LOXL2: variants seen among roughly 807,000 people sequenced by gnomAD.
The protein encoded by LOXL2 is lysyl oxidase like 2, also known as lysyl oxidase homolog 2.
Under a neutral mutation model 93.0 loss-of-function variants are expected in LOXL2, and 70 were observed. The ratio of observed to expected loss-of-function variants is 0.75; its 90% confidence interval spans 0.62 to 0.92. The LOEUF (loss-of-function observed/expected upper bound fraction) is 0.92. LOXL2 is among the 40% of genes least tolerant of loss of function. The pLI is 0.00. For synonymous variants in LOXL2, 438 were observed against 413.2 expected, an observed-to-expected ratio of 1.06 and a Z score of -0.73; for missense variants, 973 against 1,054.9, an observed-to-expected ratio of 0.92 and a Z score of 1.08.
At chr8:23,346,201 A>G (rs1563197488) in intron 3 of LOXL2, among the ~76,000 whole-genome samples, 2 of 140,212 alleles carry the variant, frequency 1.4e-5, no homozygotes, top group East Asian at 4.0e-4. Flanking sequence ...AAAATAAAAT[A>G]AAATAAATAA....
chr8:23,333,429 G>A lies in LOXL2; in HGVS notation c.938C>T (p.Ser313Leu), dbSNP rs1411742604. ...PGQVFSPDGPSRFRKAYKPEQ... is the reference protein window; with the variant it reads ...PGQVFSPDGPLRFRKAYKPEQ... ...TGGCTTGTACGCTTTCCGGAATCTT[G>A]AGGGTCCGTCAGGGCTGAAGACCTG... The change falls in exon 5 of 14, where the codon TCA becomes TTA. Residue 313 changes from serine to leucine, a missense_variant. By Grantham distance (145) the Ser-to-Leu change is moderately radical. Coordinates refer to ENST00000389131, the MANE Select transcript of LOXL2 (RefSeq NM_002318.3). 6.2e-7 allele frequency: 1 copy of A among 1,613,836 alleles called. No homozygotes were observed.
chr8:23,348,648 C>T (rs1265995910), intron 3 of LOXL2, among the ~76,000 whole-genome samples: 2 of 151,994 alleles, frequency 1.3e-5, no homozygotes, highest in Non-Finnish European at 2.9e-5. Flanking sequence ...GAGGCCGAGG[C>T]GGGTGGATCA....
chr8:23,342,730 CT>C (rs968524510), intron 3 of LOXL2, among the ~76,000 whole-genome samples: 4 of 151,716 alleles, frequency 2.6e-5, no homozygotes, highest in South Asian at 2.1e-4. Flanking sequence ...CGTGCCCGGC[CT>C]TTTTTTTCTT....
At chr8:23,383,939 C>T (rs1005951954) in intron 1 of LOXL2, among the ~76,000 whole-genome samples, 7 of 152,064 alleles carry the variant, frequency 4.6e-5, no homozygotes, top group African/African-American at 1.4e-4. Context: ...GGATTACAGG[C>T]GTGAGCCACC....
chr8:23,353,664 G>C (rs1183043523), intron 3 of LOXL2, among the ~76,000 whole-genome samples: 3 of 152,232 alleles, frequency 2.0e-5, no homozygotes, highest in Non-Finnish European at 2.9e-5. Flanking sequence ...ACCAAGCCTA[G>C]TGAGTGATTC....
chr8:23,324,283 G>A (rs140382984), intron 6 of LOXL2, among the ~76,000 whole-genome samples: 3 of 152,252 alleles, frequency 2.0e-5, no homozygotes, highest in East Asian at 1.9e-4. Flanking sequence ...GTGGCTGAAC[G>A]TCTATGTAAA....
In LOXL2 at chr8:23,309,794, G is replaced by C. The variant is rs566638427; in HGVS notation, c.1754C>G (p.Ala585Gly). The C allele has an allele frequency of 6.2e-7, 1 of 1,604,106 alleles. No individual in the cohort carries two copies. Among genetic ancestry groups the C allele is most frequent in the Admixed American group, 1.7e-5 (1 of 58,328 alleles). The change falls in exon 10 of 14, where the codon GCG becomes GGG. Residue 585 changes from alanine to glycine, a missense_variant. Coordinates refer to ENST00000389131, the MANE Select transcript of LOXL2 (RefSeq NM_002318.3). ...GTAGCCCGTGGTGGGGTCGGTCTGC[G>C]CGGCTGAGGCCGAGAGGCAGTTCTC... The part of the protein sequence containing the change: ...MEENCLSASA[A>G]QTDPTTGYRR...
intron 3 of LOXL2, among the ~76,000 whole-genome samples, chr8:23,354,945 ATATATTTTTTTTTTTTT>A (rs1341793616): frequency 1.8e-5 from 1 of 54,978 alleles, no homozygotes; most frequent in African/African-American, 1.1e-4. Flanking sequence ...ATATATATAT[ATATATTTTTTTTTTTTT>A]TTTTTTTTTT....
chr8:23,345,611 TCTTTACTTCA>T (rs1803958243), intron 3 of LOXL2, among the ~76,000 whole-genome samples: 1 of 152,204 alleles, frequency 6.6e-6, no homozygotes, highest in African/African-American at 2.4e-5. Flanking sequence ...ATAACCTCTC[TCTTTACTTCA>T]CTGCTGTGGA....
At chr8:23,320,332 T>TG (rs941815160) in intron 7 of LOXL2, among the ~76,000 whole-genome samples, 2 of 152,160 alleles carry the variant, frequency 1.3e-5, no homozygotes, top group East Asian at 1.9e-4. Context: ...AGCCTATCAG[T>TG]GGGGGGCTGC....
chr8:23,367,241 G>A (rs1261962971), intron 2 of LOXL2, among the ~76,000 whole-genome samples: 1 of 152,066 alleles, frequency 6.6e-6, no homozygotes, highest in Non-Finnish European at 1.5e-5. Context: ...TAGAGATGGG[G>A]TTTCCCCATG....
At position 23,328,443 on chromosome 8, in the gene LOXL2, G is replaced by GACCAC; in HGVS notation, c.1084_1088dup (p.Cys364TrpfsTer42). ...CACTCCCAAAGCCCAGCTCTCTGCA[G>GACCAC]ACCACACTGGCCGACACCAGGTCCC... On this transcript the variant is annotated frameshift_variant, in exon 6 of 14. Transcript: ENST00000389131. LOFTEE classifies it high-confidence loss of function. 6.2e-7 allele frequency: 1 copy of GACCAC among 1,614,098 alleles called. No individual in the cohort carries two copies. The highest frequency in any genetic ancestry group is 1.1e-5 in the South Asian group (1 of 91,088).
In LOXL2 at chr8:23,309,901, G is replaced by A; in HGVS notation, c.1647C>T (p.Asp549=). ...GCACCATCTCCGCATTGAGGACCAG[G>A]TCAGGGGCGGCTGCGGAGGATGGCA... ...AGVACSETAP[D]LVLNAEMVQQ... Residue 549 remains aspartate, a synonymous_variant, in exon 10 of 14, where the codon GAC becomes GAT. Coordinates refer to ENST00000389131, the MANE Select transcript of LOXL2 (RefSeq NM_002318.3). 6.7e-7 allele frequency: 1 copy of A among 1,497,334 alleles called. No individual in the cohort carries two copies. Among genetic ancestry groups the A allele is most frequent in the Non-Finnish European group, 9.0e-7 (1 of 1,114,390 alleles). The allele number at this position is 1,497,334 out of a possible 1,614,324, so 92.8% of individuals were successfully genotyped here. A position where few individuals can be genotyped will look rare whatever the true frequency, so the allele number is the denominator to read the frequency against.
chr8:23,336,274 C>T (rs571964791), intron 4 of LOXL2: 2 of 152,662 alleles, frequency 1.3e-5, no homozygotes, highest in African/African-American at 4.8e-5. Flanking sequence ...CAACTGTCCC[C>T]AGCAGCCCGG....
At chr8:23,378,893 A>C (rs1460826171) in intron 1 of LOXL2, among the ~76,000 whole-genome samples, 1 of 152,100 alleles carries the variant, frequency 6.6e-6, no homozygotes. Context: ...TTCCTCCTTT[A>C]GCTTGGAGTA....
intron 2 of LOXL2, 123 bp from the exon 3 acceptor site, chr8:23,360,388 A>G: frequency 1.6e-6 from 1 of 640,700 alleles, no homozygotes; most frequent in South Asian, 2.0e-5. Flanking sequence ...GTGTGTGGCC[A>G]TCCATTTTTA....
At chr8:23,328,054 GT>G (rs987021820) in intron 6 of LOXL2, among the ~76,000 whole-genome samples, 5 of 31,854 alleles carry the variant, frequency 1.6e-4, no homozygotes, top group South Asian at 1.6e-3. Context: ...GAACCCTGGC[GT>G]TTTTTGGTAA....
At chr8:23,317,229 G>T in intron 8 of LOXL2, 115 bp from the exon 9 acceptor site, 1 of 1,195,504 alleles carries the variant, frequency 8.4e-7, no homozygotes, top group Non-Finnish European at 1.2e-6. Flanking sequence ...CCATTTTTCA[G>T]ATCGAAACAG....
Position 23,309,742 on chromosome 8 carries a change from C to T in LOXL2, c.1806G>A (p.Gln602=). ...AGTCGGACTGGCCATTGTTGTGGAT[C>T]TGGGAGGAGAAGCGCAGGAGCCGGC... The part of the protein sequence containing the change: ...GYRRLLRFSS[Q]IHNNGQSDFR... The change falls in exon 10 of 14, where the codon CAG becomes CAA. Residue 602 remains glutamine, a synonymous_variant. Transcript: ENST00000389131. 6.2e-7 allele frequency: 1 copy of T among 1,600,160 alleles called. No individual in the cohort carries two copies. The highest frequency in any genetic ancestry group is 8.5e-7 in the Non-Finnish European group (1 of 1,173,602).
Sources: allele counts gnomAD v4.1 joint callset (sites outside exome capture counted in the v4.1 genomes callset), GRCh38; gene constraint gnomAD v4.1.1; transcripts MANE v1.5; gene names NCBI Gene and HGNC (gene_info 2026-07-23, HGNC 2026-07-21).